The following FSIP1 variants were observed in gnomAD, a reference collection of about 807,000 sequenced individuals.
FSIP1 encodes fibrous sheath-interacting protein 1.
FSIP1 carries 65 observed loss-of-function variants against 60.9 expected under a neutral mutation model. The observed-to-expected ratio is 1.07, with a 90% CI of 0.87 to 1.31. FSIP1 has a LOEUF of 1.31. FSIP1 is among the 40% of genes most tolerant of loss of function. The probability of loss-of-function intolerance (pLI) is 0.00; values close to 1 mark genes in which losing one functional copy is unlikely to be tolerated. For synonymous variants in FSIP1, 209 were observed against 221.2 expected (o/e 0.94, Z 0.49); for missense variants, 675 against 665.5 (o/e 1.01, Z -0.16).
At chr15:39,781,459 C>T (rs762311929) in intron 1 of FSIP1, among the ~76,000 whole-genome samples, 75 of 152,096 alleles carry the variant, frequency 4.9e-4, no homozygotes, top group Non-Finnish European at 7.8e-4. Flanking sequence ...CAATCTCATT[C>T]ATATTTACCC....
At position 39,692,570 on chromosome 15, in the gene FSIP1, G is replaced by A. The variant is rs117132357; in HGVS notation, c.1188+20874C>T. On this transcript the variant is annotated intron_variant, in intron 10 of 11. Coordinates refer to ENST00000350221, the MANE Select transcript of FSIP1 (RefSeq NM_152597.5). ...CATAACACAGCAAAGCCTGTTATCC[G>A]ATAAAAGGAGAGTACTAAACCCTCA... Among the ~76,000 whole-genome samples the A allele has an allele frequency of 1.8e-3, 273 of 152,232 alleles. 3 individuals carry two copies. The highest frequency in any genetic ancestry group is 2.7e-3 in the Non-Finnish European group (186 of 68,020).
chr15:39,769,251 C>A (rs1169584068), intron 3 of FSIP1, among the ~76,000 whole-genome samples: 1 of 150,690 alleles, frequency 6.6e-6, no homozygotes, highest in African/African-American at 2.4e-5. Flanking sequence ...TGCACTCCAG[C>A]CTGGGCGACA....
At chr15:39,726,016 T>C (rs1175845059) in intron 9 of FSIP1, among the ~76,000 whole-genome samples, 1 of 152,154 alleles carries the variant, frequency 6.6e-6, no homozygotes, top group Non-Finnish European at 1.5e-5. Context: ...GGTCTTGAAC[T>C]CCTGACCTCA....
intron 8 of FSIP1, among the ~76,000 whole-genome samples, chr15:39,736,479 G>C (rs749881276): frequency 1.3e-5 from 2 of 152,180 alleles, no homozygotes; most frequent in Non-Finnish European, 2.9e-5. Context: ...CATTTTACAA[G>C]TTTAATGTTT....
intron 11 of FSIP1, among the ~76,000 whole-genome samples, chr15:39,604,520 T>C (rs532543760): frequency 2.6e-4 from 39 of 152,284 alleles, no homozygotes; most frequent in African/African-American, 8.4e-4. Context: ...TAAAGAAAAT[T>C]AGTTGAAAGT....
chr15:39,624,657 C>A lies in FSIP1; in HGVS notation c.1189-6412G>T, dbSNP rs375046690. On this transcript the variant is annotated intron_variant, in intron 10 of 11. Coordinates refer to ENST00000350221, the MANE Select transcript of FSIP1 (RefSeq NM_152597.5). The stretch of plus-strand genomic sequence containing the variant: ...CTCCTTCCCTCCCTTTTCCATTCTC[C>A]CACCTTCCTCTCTTACACTGAGGCT... Among the ~76,000 whole-genome samples the A allele has an allele frequency of 2.6e-5, 4 of 152,184 alleles. No homozygotes were observed. The East Asian group carries it at 7.7e-4, about 29-fold the overall frequency.
chr15:39,671,436 A>G (rs964181877), intron 10 of FSIP1, among the ~76,000 whole-genome samples: 5 of 152,198 alleles, frequency 3.3e-5, no homozygotes, highest in Admixed American at 2.6e-4. Flanking sequence ...TGAGGGAATC[A>G]GAGACTAATT....
At chr15:39,639,318 C>CT (rs1264643514) in intron 10 of FSIP1, among the ~76,000 whole-genome samples, 1 of 151,820 alleles carries the variant, frequency 6.6e-6, no homozygotes, top group East Asian at 1.9e-4. Context: ...CTCTGACTAC[C>CT]TTTTTTTTCA....
chr15:39,598,328 T>C (rs1038730923), downstream of FSIP1: 1 of 152,216 alleles, frequency 6.6e-6, no homozygotes. Context: ...TGAGTAGCCA[T>C]GATCACATAC....
At chr15:39,664,791 T>C (rs567477954) in intron 10 of FSIP1, among the ~76,000 whole-genome samples, 1 of 152,242 alleles carries the variant, frequency 6.6e-6, no homozygotes, top group Admixed American at 6.5e-5. Flanking sequence ...TAAGCTCCCC[T>C]ACATGTGCTG....
intron 10 of FSIP1, among the ~76,000 whole-genome samples, chr15:39,699,820 C>T (rs553417078): frequency 1.3e-5 from 2 of 152,282 alleles, no homozygotes; most frequent in African/African-American, 4.8e-5. Flanking sequence ...ATAAGAACCA[C>T]TGTCTGTTTT....
At chr15:39,718,331 T>C (rs951188302) in intron 9 of FSIP1, among the ~76,000 whole-genome samples, 1 of 151,666 alleles carries the variant, frequency 6.6e-6, no homozygotes, top group Non-Finnish European at 1.5e-5. Context: ...TATGTGTGTA[T>C]ATATATATAG....
intron 10 of FSIP1, among the ~76,000 whole-genome samples, chr15:39,681,831 G>A (rs539508985): frequency 1.3e-5 from 2 of 152,256 alleles, no homozygotes; most frequent in Non-Finnish European, 2.9e-5. Context: ...AGGCAAAAAG[G>A]AGCTCAGAGT....
At chr15:39,733,948 C>G (rs62004773) in intron 8 of FSIP1, among the ~76,000 whole-genome samples, 1 of 152,056 alleles carries the variant, frequency 6.6e-6, no homozygotes, top group Non-Finnish European at 1.5e-5. Context: ...ATCACATTCT[C>G]AACTGATACC....
intron 10 of FSIP1, among the ~76,000 whole-genome samples, chr15:39,713,107 T>C (rs1895589650): frequency 6.6e-6 from 1 of 152,208 alleles, no homozygotes; most frequent in South Asian, 2.1e-4. Flanking sequence ...TATAAATTGC[T>C]TAAATTAAGA....
At chr15:39,775,234 A>G (rs1898014220) in intron 2 of FSIP1, among the ~76,000 whole-genome samples, 1 of 151,760 alleles carries the variant, frequency 6.6e-6, no homozygotes, top group South Asian at 2.1e-4. Context: ...CCAGGCTTTA[A>G]CTCTTGTATT....
At chr15:39,702,591 C>A (rs930344079) in intron 10 of FSIP1, among the ~76,000 whole-genome samples, 8 of 149,218 alleles carry the variant, frequency 5.4e-5, no homozygotes, top group African/African-American at 2.0e-4. Flanking sequence ...TACCCTGGGT[C>A]AACATCCAAA....
intron 5 of FSIP1, among the ~76,000 whole-genome samples, chr15:39,761,679 G>C (rs1265340482): frequency 6.6e-6 from 1 of 152,138 alleles, no homozygotes; most frequent in Non-Finnish European, 1.5e-5. Context: ...TCATCAATAA[G>C]GATGTATTGT....
intron 8 of FSIP1, among the ~76,000 whole-genome samples, chr15:39,735,037 G>C (rs763222953): frequency 1.4e-4 from 21 of 152,096 alleles, no homozygotes; most frequent in Non-Finnish European, 5.9e-5. Flanking sequence ...AAAATCTATC[G>C]CCATAGTTTG....
Sources: gnomAD v4.1 joint callset for allele counts (sites outside exome capture counted in the v4.1 genomes callset) on GRCh38, gnomAD v4.1.1 for gene constraint, MANE v1.5 for transcripts, NCBI Gene and HGNC (gene_info 2026-07-23, HGNC 2026-07-21) for gene names.